Variants in RGS6 observed in about 807,000 individuals in gnomAD.
RGS6 encodes the protein regulator of G protein signaling 6, also known as regulator of G-protein signaling 6.
Under a neutral mutation model 78.5 loss-of-function variants are expected in RGS6, and 30 were observed. The ratio of observed to expected loss-of-function variants is 0.38; its 90% CI spans 0.29 to 0.52. The LOEUF is 0.52. Ranked by LOEUF, RGS6 falls within the 20% of genes least tolerant of loss-of-function variation. RGS6 has a pLI of 0.85. For synonymous variants in RGS6, 206 were observed against 206.0 expected (o/e 1.00, Z 0.00); for missense variants, 495 against 609.7 (o/e 0.81, Z 1.98).
At chr14:72,213,587 C>G (rs2044721967) in intron 2 of RGS6, among the ~76,000 whole-genome samples, 1 of 152,212 alleles carries the variant, frequency 6.6e-6, no homozygotes, top group South Asian at 2.1e-4. Context: ...AGTGTTGGAA[C>G]TGGGAACAAC....
chr14:72,324,805 G>C (rs7155455), intron 2 of RGS6, among the ~76,000 whole-genome samples: 1 of 151,834 alleles, frequency 6.6e-6, no homozygotes. Context: ...GAATAGTGCC[G>C]CAATAAACAT....
At chr14:72,550,491 G>A (rs1447141589) in intron 17 of RGS6, 2 of 1,535,574 alleles carry the variant, frequency 1.3e-6, no homozygotes, top group Non-Finnish European at 1.7e-6. Context: ...CGAAAGCCTG[G>A]CCTTAACATC....
the RGS6 span, among the ~76,000 whole-genome samples, chr14:71,922,616 A>G: frequency 2.0e-5 from 3 of 152,218 alleles, no homozygotes; most frequent in Non-Finnish European, 4.4e-5. Flanking sequence ...TTTCATTTAG[A>G]TATTACTAGT....
intron 2 of RGS6, among the ~76,000 whole-genome samples, chr14:72,266,106 G>T (rs917188216): frequency 1.3e-5 from 2 of 152,154 alleles, no homozygotes; most frequent in African/African-American, 4.8e-5. Context: ...GCCGGACTCA[G>T]CTGGGAAATT....
the RGS6 span, among the ~76,000 whole-genome samples, chr14:71,894,703 A>C: frequency 6.6e-6 from 1 of 152,250 alleles, no homozygotes; most frequent in Non-Finnish European, 1.5e-5. Flanking sequence ...AGTACCTAAA[A>C]GGACAGAAAA....
upstream of RGS6, among the ~76,000 whole-genome samples, chr14:71,930,729 T>G (rs1036287961): frequency 2.6e-5 from 4 of 151,880 alleles, no homozygotes; most frequent in African/African-American, 9.7e-5. Flanking sequence ...AAGTCTGTAA[T>G]CCCAGCACTT....
At chr14:72,214,132 C>T (rs2044906186) in intron 2 of RGS6, among the ~76,000 whole-genome samples, 3 of 148,522 alleles carry the variant, frequency 2.0e-5, no homozygotes, top group Non-Finnish European at 4.5e-5. Flanking sequence ...TAATGGTGAC[C>T]TTTCACTTGG....
At chr14:72,416,755 A>C (rs1271655700) in intron 3 of RGS6, among the ~76,000 whole-genome samples, 1 of 152,180 alleles carries the variant, frequency 6.6e-6, no homozygotes, top group African/African-American at 2.4e-5. Context: ...GAGCTCTCTA[A>C]AGAGTGTGGT....
intron 2 of RGS6, among the ~76,000 whole-genome samples, chr14:72,278,773 G>A (rs1280760509): frequency 2.0e-5 from 3 of 152,056 alleles, no homozygotes; most frequent in Non-Finnish European, 4.4e-5. Context: ...GTCTCAGTTG[G>A]CACCTGCTGC....
In RGS6 at chr14:72,009,209, C is replaced by T. The variant is rs546370973; in HGVS notation, c.84+44334C>T. On this transcript the variant is annotated intron_variant, in intron 2 of 17. Transcript: ENST00000553525. ...ATTTCTGAAAACAGAAAATTAGCCA[C>T]GCATGGTAGTGTGCACCTGTAGTCC... 1.2e-3 allele frequency among the ~76,000 whole-genome samples: 176 copies of T among 152,230 alleles called. 2 individuals carry two copies. Among genetic ancestry groups the T allele is most frequent in the Non-Finnish European group, 1.9e-3 (129 of 68,016 alleles).
chr14:72,177,678 T>C (rs999107235), intron 2 of RGS6, among the ~76,000 whole-genome samples: 3 of 152,232 alleles, frequency 2.0e-5, no homozygotes, highest in Non-Finnish European at 4.4e-5. Flanking sequence ...CCCTTAGATC[T>C]TATTGTCTCA....
At chr14:72,546,902 C>T (rs1037448893) in intron 17 of RGS6, among the ~76,000 whole-genome samples, 1 of 152,218 alleles carries the variant, frequency 6.6e-6, no homozygotes, top group Non-Finnish European at 1.5e-5. Flanking sequence ...TTCGCCATGA[C>T]AGTGCCTTCC....
chr14:71,888,550 G>T, the RGS6 span, among the ~76,000 whole-genome samples: 1 of 152,114 alleles, frequency 6.6e-6, no homozygotes, highest in East Asian at 1.9e-4. Flanking sequence ...GGTTGTGTCA[G>T]CTGGCCTGCT....
intron 2 of RGS6, among the ~76,000 whole-genome samples, chr14:72,272,808 T>C (rs2060135121): frequency 6.6e-6 from 1 of 152,210 alleles, no homozygotes; most frequent in African/African-American, 2.4e-5. Context: ...AGTTGAAATA[T>C]CAGCTTTAAG....
At chr14:72,273,000 C>T (rs893693248) in intron 2 of RGS6, among the ~76,000 whole-genome samples, 1 of 152,096 alleles carries the variant, frequency 6.6e-6, no homozygotes, top group African/African-American at 2.4e-5. Context: ...CCTGTAATCC[C>T]AGCTACTTGG....
At chr14:72,216,756 C>G (rs971192003) in intron 2 of RGS6, among the ~76,000 whole-genome samples, 1 of 151,994 alleles carries the variant, frequency 6.6e-6, no homozygotes, top group African/African-American at 2.4e-5. Flanking sequence ...GTGTGTTTCT[C>G]TCTCTCTGGT....
chr14:72,541,635 T>A (rs1352944834), intron 17 of RGS6: 4 of 1,534,558 alleles, frequency 2.6e-6, no homozygotes, highest in Admixed American at 2.0e-5. Flanking sequence ...TGGGATCCCA[T>A]CTCTCTCTGT....
intron 2 of RGS6, among the ~76,000 whole-genome samples, chr14:72,055,660 A>T (rs924741056): frequency 1.1e-4 from 16 of 151,772 alleles, no homozygotes; most frequent in Non-Finnish European, 2.2e-4. Flanking sequence ...TTTTTTTTTT[A>T]AATAAAAGCT....
At chr14:72,388,176 A>G (rs2088843672) in intron 3 of RGS6, among the ~76,000 whole-genome samples, 1 of 152,176 alleles carries the variant, frequency 6.6e-6, no homozygotes, top group African/African-American at 2.4e-5. Flanking sequence ...CCTTGGCTCT[A>G]TTTGAGGTTT....
Sources: gnomAD v4.1 joint callset for allele counts (sites outside exome capture counted in the v4.1 genomes callset) on GRCh38, gnomAD v4.1.1 for gene constraint, MANE v1.5 for transcripts, NCBI Gene and HGNC (gene_info 2026-07-23, HGNC 2026-07-21) for gene names.